ATP10D: variants seen among roughly 807,000 people sequenced by gnomAD.
The protein encoded by ATP10D is ATPase phospholipid transporting 10D (putative).
Under a neutral mutation model 144.8 loss-of-function variants are expected in ATP10D, and 89 were observed. The ratio of observed to expected loss-of-function variants is 0.61; its 90% CI spans 0.52 to 0.73. ATP10D has a LOEUF of 0.73. Ranked by LOEUF, ATP10D falls within the 30% of genes least tolerant of loss-of-function variation. ATP10D has a pLI of 0.00. For missense variants in ATP10D, 1,603 were observed against 1,714.8 expected (o/e 0.93, Z 1.15); for synonymous variants, 571 against 615.1 (o/e 0.93, Z 1.06).
chr4:47,576,786 T>C lies in ATP10D; in HGVS notation c.3380T>C (p.Leu1127Pro), dbSNP rs1720264676. Residue 1127 changes from leucine to proline, a missense_variant, in exon 19 of 23, where the codon CTC becomes CCC. By Grantham distance (98) the Leu-to-Pro change is moderately conservative (BLOSUM62 -3). Coordinates refer to ENST00000273859, the MANE Select transcript of ATP10D (RefSeq NM_020453.4). ...TTGTGTCTCTAGGCCTATGTGAACC[T>C]CCTTTTCTGGTACCAGTTCTTTTGT... ...FFYKNVAYVN[L>P]LFWYQFFCGF... The C allele has an allele frequency of 6.2e-7, 1 of 1,613,998 alleles. No individual in the cohort carries two copies. The highest frequency in any genetic ancestry group is 1.1e-5 in the South Asian group (1 of 91,086).
intron 9 of ATP10D, among the ~76,000 whole-genome samples, chr4:47,541,744 C>T (rs1261478704): frequency 6.6e-6 from 1 of 152,170 alleles, no homozygotes; most frequent in Admixed American, 6.5e-5. Flanking sequence ...ATGCCCACTT[C>T]TTCCATATAT....
chr4:47,501,296 T>A (rs1309172749), intron 1 of ATP10D, among the ~76,000 whole-genome samples: 2 of 152,230 alleles, frequency 1.3e-5, no homozygotes, highest in Non-Finnish European at 2.9e-5. Context: ...TTTATTTGCA[T>A]GTATTGAATT....
intron 1 of ATP10D, among the ~76,000 whole-genome samples, chr4:47,504,002 C>T (rs1311946598): frequency 6.6e-6 from 1 of 152,072 alleles, no homozygotes; most frequent in Non-Finnish European, 1.5e-5. Context: ...TTGTATATAT[C>T]TAAAATATGG....
At chr4:47,490,630 T>G (rs1483056393) in intron 1 of ATP10D, among the ~76,000 whole-genome samples, 2 of 152,196 alleles carry the variant, frequency 1.3e-5, no homozygotes, top group Admixed American at 1.3e-4. Flanking sequence ...ATATGTAGTA[T>G]TAGGATGTAG....
intron 1 of ATP10D, among the ~76,000 whole-genome samples, chr4:47,488,015 G>A (rs766515109): frequency 2.0e-5 from 3 of 152,114 alleles, no homozygotes; most frequent in Non-Finnish European, 4.4e-5. Context: ...CATAGCCTTT[G>A]ACTAAGTGAT....
At chr4:47,546,594 CA>C (rs1469977735) in intron 9 of ATP10D, 29 bp from the exon 10 acceptor site, 2 of 1,591,470 alleles carry the variant, frequency 1.3e-6, no homozygotes, top group Non-Finnish European at 1.7e-6. Context: ...TCTTCTCAGA[CA>C]TTGACTCAGT....
At chr4:47,488,330 A>T (rs1397302902) in intron 1 of ATP10D, among the ~76,000 whole-genome samples, 2 of 151,920 alleles carry the variant, frequency 1.3e-5, no homozygotes, top group Non-Finnish European at 2.9e-5. Flanking sequence ...AATCAAAAGT[A>T]TTTATTAAGC....
intron 10 of ATP10D, 38 bp from the exon 11 acceptor site, chr4:47,554,688 A>G (rs745963136): frequency 4.1e-6 from 6 of 1,476,908 alleles, no homozygotes; most frequent in South Asian, 2.8e-5. Flanking sequence ...ATTTTTATAT[A>G]CTTCTTATAA....
intron 3 of ATP10D, among the ~76,000 whole-genome samples, chr4:47,519,192 A>G (rs11938614): frequency 0.99 from 151,304 of 152,324 alleles, 75,151 homozygotes; most frequent in East Asian, 1. Flanking sequence ...TGAAGTAGGC[A>G]TCCACATTCC....
intron 14 of ATP10D, among the ~76,000 whole-genome samples, chr4:47,562,113 TAA>T (rs1354218552): frequency 2.0e-5 from 3 of 152,218 alleles, no homozygotes; most frequent in African/African-American, 7.2e-5. Context: ...TGATTTGATA[TAA>T]GACTATTTAT....
chr4:47,506,442 G>T (rs186408564), intron 1 of ATP10D, among the ~76,000 whole-genome samples: 3 of 152,142 alleles, frequency 2.0e-5, no homozygotes, highest in Admixed American at 2.0e-4. Context: ...AAAATTGAAA[G>T]CTTGTAGATT....
At chr4:47,546,955 T>G in intron 10 of ATP10D, 93 bp downstream of exon 10, 2 of 1,238,420 alleles carry the variant, frequency 1.6e-6, no homozygotes, top group Non-Finnish European at 2.3e-6. Flanking sequence ...CTCTGTTGTC[T>G]TTTCTACCTT....
chr4:47,485,283 G>A lies in ATP10D; in HGVS notation c.-274G>A, dbSNP rs919506398. ...GCAGCTCGGGCTGCTCTGCAGCCTG[G>A]CGGAGACGGGAGGAGGAGCGGAGGG... On this transcript the variant is annotated 5_prime_UTR_variant, in exon 1 of 23. Transcript: ENST00000273859. 6.6e-6 allele frequency: 1 copy of A among 152,498 alleles called. No homozygotes were observed. Among genetic ancestry groups the A allele is most frequent in the Non-Finnish European group, 1.5e-5 (1 of 68,262 alleles). The allele number at this position is 152,498 out of a possible 1,614,324, so 9.4% of individuals were successfully genotyped here. A position where few individuals can be genotyped will look rare whatever the true frequency, so the allele number is the denominator to read the frequency against.
At chr4:47,570,541 C>T (rs140509077) in intron 16 of ATP10D, among the ~76,000 whole-genome samples, 7 of 152,242 alleles carry the variant, frequency 4.6e-5, no homozygotes, top group Non-Finnish European at 8.8e-5. Context: ...CAGTGGCTCA[C>T]GCCTGTAATC....
Position 47,554,821 on chromosome 4 carries a change from A to G in ATP10D, c.1731A>G (p.Pro577=), listed in dbSNP as rs1262215960. The G allele has an allele frequency of 6.2e-5, 100 of 1,613,988 alleles. No individual in the cohort carries two copies. The Admixed American group carries it at 1.6e-3, about 26-fold the overall frequency. The change falls in exon 11 of 23, where the codon CCA becomes CCG. Residue 577 remains proline (P), a synonymous_variant. Transcript: ENST00000273859. ...CACTAGATGAGACCATCCAAAATCC[A>G]CCAATGGAAACTTTGTACATTATCG... ...FMPLDETIQN[P]PMETLYIIDF...
chr4:47,586,047 T>G (rs1036595808), intron 21 of ATP10D, among the ~76,000 whole-genome samples: 2 of 152,156 alleles, frequency 1.3e-5, no homozygotes, highest in Non-Finnish European at 2.9e-5. Flanking sequence ...GTAGCTTAAT[T>G]TTTAGTTTTT....
chr4:47,513,033 C>T (rs559638637), intron 2 of ATP10D, among the ~76,000 whole-genome samples: 24 of 152,168 alleles, frequency 1.6e-4, no homozygotes, highest in Admixed American at 2.0e-4. Flanking sequence ...TTCTCTTTAC[C>T]AGAAAAGATA....
In ATP10D at chr4:47,558,196, C is replaced by T. The variant is rs1031416276; in HGVS notation, c.2357C>T (p.Pro786Leu). The change falls in exon 12 of 23, where the codon CCT becomes CTT. Residue 786 changes from proline (P) to leucine (L), a missense_variant. By Grantham distance (98) the Pro-to-Leu change is moderately conservative. Coordinates refer to ENST00000273859, the MANE Select transcript of ATP10D (RefSeq NM_020453.4). ...RKRMSVVVRH[P>L]LSNQVVVYTK... The stretch of plus-strand genomic sequence containing the variant: ...AGAATGTCTGTTGTGGTCCGACACC[C>T]TCTTTCCAATCAAGTTGTGGTGTAT... 6.8e-6 allele frequency: 11 copies of T among 1,614,098 alleles called. No homozygotes were observed. The highest frequency in any genetic ancestry group is 9.3e-6 in the Non-Finnish European group (11 of 1,180,050).
In ATP10D at chr4:47,561,012, G is replaced by T; in HGVS notation, c.2605G>T (p.Asp869Tyr). ...TCATTTTTTAGCTGAAACCAGCATTGACAACAGGGAAGAATTACTACTTGA... is the reference window on the plus strand; with the variant it reads ...TCATTTTTTAGCTGAAACCAGCATTTACAACAGGGAAGAATTACTACTTGA... ...RNHFLAETSI[D>Y]NREELLLESA... Residue 869 changes from aspartate to tyrosine, a missense_variant, in exon 14 of 23, where the codon GAC becomes TAC. By Grantham distance (160) the Asp-to-Tyr change is radical. Coordinates refer to ENST00000273859, the MANE Select transcript of ATP10D (RefSeq NM_020453.4). 1 of 1,614,050 alleles carries T rather than the reference G, an allele frequency of 6.2e-7. No individual in the cohort carries two copies. The highest frequency in any genetic ancestry group is 8.5e-7 in the Non-Finnish European group (1 of 1,179,920).
Sources: allele counts gnomAD v4.1 joint callset (sites outside exome capture counted in the v4.1 genomes callset), GRCh38; gene constraint gnomAD v4.1.1; transcripts MANE v1.5; gene names NCBI Gene and HGNC (gene_info 2026-07-23, HGNC 2026-07-21).